The following DNAH8 variants were observed in gnomAD, a reference collection of about 807,000 sequenced individuals.
DNAH8 encodes the protein dynein axonemal heavy chain 8.
Under a neutral mutation model 562.1 loss-of-function variants are expected in DNAH8, and 382 were observed. The observed-to-expected ratio is 0.68, with a 90% CI of 0.63 to 0.74. The LOEUF is 0.74. Ranked by LOEUF, DNAH8 falls within the 30% of genes least tolerant of loss-of-function variation. The pLI is 0.00. For missense variants in DNAH8, 5,203 were observed against 5,620.4 expected (o/e 0.93, Z 2.37); for synonymous variants, 1,881 against 1,919.4 (o/e 0.98, Z 0.52).
chr6:38,737,802 T>A lies in DNAH8; in HGVS notation c.953-7T>A. 2 of 1,423,098 alleles carry A rather than the reference T, an allele frequency of 1.4e-6. No individual in the cohort carries two copies. Among genetic ancestry groups the A allele is most frequent in the Non-Finnish European group, 1.8e-6 (2 of 1,083,072 alleles). 88.2% of individuals were successfully genotyped at this position (1,423,098 alleles called of 1,614,324 possible). On this transcript the variant is annotated splice_polypyrimidine_tract_variant and splice_region_variant and intron_variant, in intron 6 of 92. Coordinates refer to ENST00000327475, the MANE Select transcript of DNAH8 (RefSeq NM_001206927.2). ...TTAGTATTAAATGTCTTTTTTTTCCTTTTTAGGTGCTAGAATAAGTATTGA... is the reference window on the plus strand; with the variant it reads ...TTAGTATTAAATGTCTTTTTTTTCCATTTTAGGTGCTAGAATAAGTATTGA...
intron 52 of DNAH8, 61 bp downstream of exon 52, chr6:38,873,437 G>C: frequency 7.0e-7 from 1 of 1,424,082 alleles, no homozygotes; most frequent in African/African-American, 1.4e-5. Context: ...CTCAGTTGCA[G>C]TTTACAGCCA....
chr6:38,727,917 G>T (rs373813258), intron 3 of DNAH8, among the ~76,000 whole-genome samples: 26 of 152,276 alleles, frequency 1.7e-4, no homozygotes, highest in African/African-American at 5.8e-4. Flanking sequence ...CCAAAGCTGA[G>T]GTCCAATCCC....
At chr6:38,758,923 C>T (rs527566018) in intron 10 of DNAH8, among the ~76,000 whole-genome samples, 125 of 152,168 alleles carry the variant, frequency 8.2e-4, no homozygotes, top group African/African-American at 2.4e-3. Flanking sequence ...CTGCTGGATT[C>T]GGTTTGCCAG....
rs374484174 is a variant in DNAH8 at position 38,783,232 on chromosome 6, A to G, written c.2395+93A>G. 1.0e-4 allele frequency: 113 copies of G among 1,124,364 alleles called. No individual in the cohort carries two copies. The African/African-American group carries it at 1.7e-3, about 17-fold the overall frequency. The allele number at this position is 1,124,364 out of a possible 1,614,324, so 69.6% of individuals were successfully genotyped here. On this transcript the variant is annotated intron_variant, in intron 17 of 92. Transcript: ENST00000327475. ...GGAGAACTTTTTCCATCCCTTCCAC[A>G]TAATCTTAGGATAGTTACAATTTAG...
rs373161941 is a variant in DNAH8 at position 38,842,919 on chromosome 6, C to T, written c.4845+16C>T. 159 of 1,607,670 alleles carry T rather than the reference C, an allele frequency of 9.9e-5. No individual in the cohort carries two copies. Among genetic ancestry groups the T allele is most frequent in the Non-Finnish European group, 1.2e-4 (145 of 1,176,896 alleles). On this transcript the variant is annotated intron_variant, in intron 35 of 92. Coordinates refer to ENST00000327475, the MANE Select transcript of DNAH8 (RefSeq NM_001206927.2). ...TGATATTGAGGTACATAAGTGTATA[C>T]GTTCTTATCAATGATCCATTAAAGA...
At position 38,723,121 on chromosome 6, in the gene DNAH8, G is replaced by C. The variant is rs1345400448; in HGVS notation, c.312G>C (p.Pro104=). 15 of 1,612,806 alleles carry C rather than the reference G, an allele frequency of 9.3e-6. No homozygotes were observed. The East Asian group carries it at 3.3e-4, about 36-fold the overall frequency. Residue 104 remains proline (P), a synonymous_variant, in exon 2 of 93, where the codon CCG becomes CCC. Transcript: ENST00000327475. ...QSVISEVLSL[P]SSRRSSRYRR... ...TGATTTCGGAAGTGCTGTCCTTGCC[G>C]TCTTCCCGGAGGTCCTCCAGATACC...
chr6:39,025,067 C>T (rs1213942785), intron 91 of DNAH8, among the ~76,000 whole-genome samples: 2 of 152,190 alleles, frequency 1.3e-5, no homozygotes, highest in East Asian at 1.9e-4. Context: ...AGACTTAAGT[C>T]CAAACTCTGA....
At chr6:39,028,354 G>A (rs1463930272) in intron 92 of DNAH8, among the ~76,000 whole-genome samples, 1 of 152,186 alleles carries the variant, frequency 6.6e-6, no homozygotes, top group Non-Finnish European at 1.5e-5. Context: ...TCAGGGTAGG[G>A]TTGGTTTCTA....
At chr6:38,972,981 G>C (rs1404935587) in intron 83 of DNAH8, among the ~76,000 whole-genome samples, 1 of 152,118 alleles carries the variant, frequency 6.6e-6, no homozygotes, top group Non-Finnish European at 1.5e-5. Flanking sequence ...TCACTATTTT[G>C]TAGTTTTATG....
chr6:38,715,947 TATATATATATATA>T (rs1344403382), intron 1 of DNAH8, among the ~76,000 whole-genome samples: 7 of 23,136 alleles, frequency 3.0e-4, no homozygotes, highest in Admixed American at 2.8e-3. Flanking sequence ...TATATATATA[TATATATATATATA>T]TTTTTTTTTT....
At chr6:38,831,460 AAG>A (rs913780080) in intron 30 of DNAH8, among the ~76,000 whole-genome samples, 4 of 151,890 alleles carry the variant, frequency 2.6e-5, no homozygotes, top group African/African-American at 9.7e-5. Context: ...AGAAAAAAGA[AAG>A]ACTCACTTAG....
chr6:38,936,168 G>C (rs938038598), intron 77 of DNAH8: 1 of 152,220 alleles, frequency 6.6e-6, no homozygotes, highest in African/African-American at 2.4e-5. Flanking sequence ...GGCCAACATG[G>C]TGAAACTCAA....
At chr6:38,856,903 A>T (rs904694344) in intron 41 of DNAH8, among the ~76,000 whole-genome samples, 1 of 152,010 alleles carries the variant, frequency 6.6e-6, no homozygotes, top group South Asian at 2.1e-4. Context: ...TGCTCAGACC[A>T]CTTTTATTAC....
chr6:38,974,521 A>C lies in DNAH8; in HGVS notation c.12826A>C (p.Thr4276Pro). Residue 4276 changes from threonine to proline, a missense_variant, in exon 85 of 93, where the codon ACT (threonine) becomes CCT (proline). Transcript: ENST00000327475. ...TTACACAGTAGCATTTTTACACTCCACTGTGCAGGTAACTGCAGAAAGCAG... is the reference window on the plus strand; with the variant it reads ...TTACACAGTAGCATTTTTACACTCCCCTGTGCAGGTAACTGCAGAAAGCAG... The part of the protein sequence containing the change: ...MLYTVAFLHS[T>P]VQERRKFGPL... 1 of 1,613,520 alleles carries C rather than the reference A, an allele frequency of 6.2e-7. No individual in the cohort carries two copies. Among genetic ancestry groups the C allele is most frequent in the South Asian group, 1.1e-5 (1 of 91,016 alleles).
At chr6:38,800,811 C>T (rs923986444) in intron 21 of DNAH8, among the ~76,000 whole-genome samples, 2 of 152,156 alleles carry the variant, frequency 1.3e-5, no homozygotes, top group South Asian at 2.1e-4. Context: ...CGTGAGCCAC[C>T]GTGCCCTGCC....
intron 7 of DNAH8, among the ~76,000 whole-genome samples, chr6:38,738,844 C>T (rs184527857): frequency 1.2e-3 from 189 of 152,232 alleles, no homozygotes; most frequent in Admixed American, 5.7e-3. Context: ...GGGTAATTGC[C>T]CACTGGATAA....
chr6:38,894,632 T>G, intron 58 of DNAH8, 69 bp from the exon 59 acceptor site: 2 of 1,237,626 alleles, frequency 1.6e-6, no homozygotes, highest in Non-Finnish European at 2.3e-6. Flanking sequence ...GTGAGACAGT[T>G]GTAAAAGTAA....
At chr6:38,982,291 C>T in intron 85 of DNAH8, 55 bp from the exon 86 acceptor site, 2 of 738,052 alleles carry the variant, frequency 2.7e-6, no homozygotes, top group East Asian at 2.5e-5. Flanking sequence ...ATTTTGATAG[C>T]AATAAAAATG....
chr6:38,841,579 G>A (rs1774793360), intron 33 of DNAH8, among the ~76,000 whole-genome samples: 1 of 152,110 alleles, frequency 6.6e-6, no homozygotes, highest in South Asian at 2.1e-4. Context: ...GAACCTTATG[G>A]CATACTAAGG....
Sources: allele counts gnomAD v4.1 joint callset (sites outside exome capture counted in the v4.1 genomes callset), GRCh38; gene constraint gnomAD v4.1.1; transcripts MANE v1.5; gene names NCBI Gene and HGNC (gene_info 2026-07-23, HGNC 2026-07-21).